NTM: variants seen among roughly 807,000 people sequenced by gnomAD.
NTM encodes IgLON family member 2.
In NTM, 13 loss-of-function variants were observed where a neutral mutation model predicts 42.1. That is an observed-to-expected ratio of 0.31 (90% CI 0.20 to 0.49). The LOEUF (loss-of-function observed/expected upper bound fraction) is 0.49, where lower values mean the gene tolerates loss of function less well. Among genes scored for constraint, NTM ranks in the 20% least tolerant of loss-of-function variants. The pLI, the probability that NTM is intolerant of heterozygous loss-of-function variation, is 0.99. For synonymous variants in NTM, 187 were observed against 179.2 expected, an observed-to-expected ratio of 1.04 and a Z score of -0.35; for missense variants, 373 against 452.8, an observed-to-expected ratio of 0.82 and a Z score of 1.60.
At chr11:131,644,585 C>T (rs113774611) in intron 1 of NTM, among the ~76,000 whole-genome samples, 1 of 152,246 alleles carries the variant, frequency 6.6e-6, no homozygotes, top group East Asian at 1.9e-4. Context: ...GATAACAATG[C>T]GGTATACCAG....
chr11:132,159,249 T>A (rs1403134436), intron 3 of NTM, among the ~76,000 whole-genome samples: 1 of 152,134 alleles, frequency 6.6e-6, no homozygotes, highest in Non-Finnish European at 1.5e-5. Flanking sequence ...AGGGCACATA[T>A]ACAGGAAGAG....
chr11:131,892,111 T>TTCTTCCTCCTCCCCTTCTCC (rs1256989502), intron 1 of NTM, among the ~76,000 whole-genome samples: 25 of 152,178 alleles, frequency 1.6e-4, no homozygotes, highest in Non-Finnish European at 3.5e-4. Flanking sequence ...GCTGCTCCTC[T>TTCTTCCTCCTCCCCTTCTCC]TCTTCCTCCT....
chr11:131,920,798 G>C (rs546655560), intron 2 of NTM, among the ~76,000 whole-genome samples: 96 of 152,248 alleles, frequency 6.3e-4, no homozygotes, highest in African/African-American at 2.2e-3. Flanking sequence ...CCAACAGACT[G>C]ATGGAAAATT....
rs2095873109 is a variant in NTM at position 132,336,459 on chromosome 11, AG to A, written c.*1315del. 1 of 151,928 alleles carries A rather than the reference AG, an allele frequency of 6.6e-6. No homozygotes were observed. Among genetic ancestry groups the A allele is most frequent in the African/African-American group, 2.4e-5 (1 of 41,272 alleles). 9.4% of individuals were successfully genotyped at this position (151,928 alleles called of 1,614,324 possible). ...GTGTGGCTCTGCGCTAGGCCACCCC[AG>A]GTGGCCCCGCTTTCTCCATTCTGCC... On this transcript the variant is annotated 3_prime_UTR_variant, in exon 9 of 9. Transcript: ENST00000683400.
At chr11:131,805,683 A>G (rs11222800) in intron 1 of NTM, among the ~76,000 whole-genome samples, 21,398 of 152,190 alleles carry the variant, frequency 0.14, 1,547 homozygotes, top group East Asian at 0.26. Context: ...AAGAGACTTA[A>G]CATTTTATGA....
intron 5 of NTM, 124 bp from the exon 6 acceptor site, chr11:132,309,988 A>G: frequency 1.7e-6 from 2 of 1,195,496 alleles, no homozygotes; most frequent in Non-Finnish European, 1.1e-6. Context: ...CCCGGGAGGC[A>G]GAACGTGCAG....
intron 1 of NTM, among the ~76,000 whole-genome samples, chr11:131,426,452 A>G (rs1177092349): frequency 6.6e-6 from 1 of 152,126 alleles, no homozygotes; most frequent in Non-Finnish European, 1.5e-5. Context: ...TGCTGTGGAG[A>G]ATTCCTCTGC....
chr11:131,780,063 G>A (rs2087781463), intron 1 of NTM, among the ~76,000 whole-genome samples: 3 of 152,160 alleles, frequency 2.0e-5, no homozygotes, highest in Admixed American at 2.0e-4. Context: ...AGTGTCTTGA[G>A]GCTAGTGAAT....
At chr11:131,999,951 C>T (rs188403394) in intron 2 of NTM, among the ~76,000 whole-genome samples, 242 of 152,258 alleles carry the variant, frequency 1.6e-3, no homozygotes, top group Non-Finnish European at 3.1e-3. Context: ...CCCCTTCCTG[C>T]GTACTAGTGA....
At chr11:131,591,534 C>T (rs1246041305) in intron 1 of NTM, among the ~76,000 whole-genome samples, 1 of 152,200 alleles carries the variant, frequency 6.6e-6, no homozygotes, top group Non-Finnish European at 1.5e-5. Flanking sequence ...GGATTCCCTG[C>T]CTAACAAGAC....
chr11:132,321,832 G>A lies in NTM; in HGVS notation c.934+7129G>A, dbSNP rs1163578277. ...CCATCAGACTAACAGCGGATCTCTC[G>A]GCAGAAACCCTACAAGCCAGAAGAG... On this transcript the variant is annotated intron_variant, in intron 7 of 8. Coordinates refer to ENST00000683400, the MANE Select transcript of NTM (RefSeq NM_001352005.2). Among the ~76,000 whole-genome samples the A allele has an allele frequency of 1.4e-3, 209 of 149,370 alleles. 1 individual carries two copies. Among genetic ancestry groups the A allele is most frequent in the African/African-American group, 4.7e-3 (190 of 40,434 alleles).
chr11:132,249,651 C>T (rs1043528576), intron 4 of NTM, among the ~76,000 whole-genome samples: 1 of 152,334 alleles, frequency 6.6e-6, no homozygotes, highest in South Asian at 2.1e-4. Context: ...ATTCTTAAAA[C>T]CATGTACAAC....
At chr11:132,104,296 A>G (rs1478840562) in intron 2 of NTM, among the ~76,000 whole-genome samples, 1 of 152,100 alleles carries the variant, frequency 6.6e-6, no homozygotes, top group Non-Finnish European at 1.5e-5. Context: ...TTGAGTGATG[A>G]GATTATAGGA....
chr11:131,392,591 G>T (rs1944147525), intron 1 of NTM, among the ~76,000 whole-genome samples: 1 of 152,198 alleles, frequency 6.6e-6, no homozygotes, highest in Non-Finnish European at 1.5e-5. Context: ...TGTTTTATAA[G>T]CTTCGCCTCC....
At chr11:131,633,778 T>TCC (rs1418202587) in intron 1 of NTM, among the ~76,000 whole-genome samples, 5 of 79,116 alleles carry the variant, frequency 6.3e-5, no homozygotes, top group Admixed American at 1.5e-4. Context: ...TCTCTCTCTC[T>TCC]CTCTCTCTCT....
intron 4 of NTM, among the ~76,000 whole-genome samples, chr11:132,227,870 T>G (rs923993682): frequency 6.6e-6 from 1 of 151,852 alleles, no homozygotes; most frequent in Non-Finnish European, 1.5e-5. Context: ...TTGCTTGGAG[T>G]GGGAACCAGC....
At chr11:131,633,911 T>C (rs1271134215) in intron 1 of NTM, among the ~76,000 whole-genome samples, 1 of 152,008 alleles carries the variant, frequency 6.6e-6, no homozygotes, top group Non-Finnish European at 1.5e-5. Flanking sequence ...TCAAATTTTA[T>C]AGGGAGGGGT....
chr11:132,015,929 C>T (rs139996366), intron 2 of NTM, among the ~76,000 whole-genome samples: 3 of 152,028 alleles, frequency 2.0e-5, no homozygotes, highest in Admixed American at 2.0e-4. Flanking sequence ...TGCTTGATTG[C>T]TCTGGCTAGG....
At chr11:131,719,251 G>A (rs1396614930) in intron 1 of NTM, among the ~76,000 whole-genome samples, 1 of 152,060 alleles carries the variant, frequency 6.6e-6, no homozygotes, top group East Asian at 1.9e-4. Context: ...TCTTGTTGTT[G>A]TTTCCAGTGG....
Sources: gnomAD v4.1 joint callset for allele counts (sites outside exome capture counted in the v4.1 genomes callset) on GRCh38, gnomAD v4.1.1 for gene constraint, MANE v1.5 for transcripts, NCBI Gene and HGNC (gene_info 2026-07-23, HGNC 2026-07-21) for gene names.